ME2: variants seen among roughly 807,000 people sequenced by gnomAD.
ME2 encodes NAD-dependent malic enzyme, mitochondrial.
In ME2, 60 loss-of-function variants were observed where a neutral mutation model predicts 73.7. The observed-to-expected ratio is 0.81, with a 90% CI of 0.66 to 1.01. The LOEUF (loss-of-function observed/expected upper bound fraction) is 1.01, where lower values mean the gene tolerates loss of function less well. ME2 is among the 50% of genes least tolerant of loss of function. The pLI, the probability that ME2 is intolerant of heterozygous loss-of-function variation, is 0.00. For synonymous variants in ME2, 199 were observed against 236.9 expected (o/e 0.84, Z 1.47); for missense variants, 594 against 705.5 (o/e 0.84, Z 1.79).
chr18:50,912,589 C>G (rs967397431), intron 3 of ME2, among the ~76,000 whole-genome samples: 3 of 152,160 alleles, frequency 2.0e-5, no homozygotes, highest in Admixed American at 6.5e-5. Flanking sequence ...TCATCGTCAT[C>G]ATCATCTACT....
chr18:50,947,192 C>T lies in ME2; in HGVS notation c.*8C>T. On this transcript the variant is annotated 3_prime_UTR_variant, in exon 16 of 16. Coordinates refer to ENST00000321341, the MANE Select transcript of ME2 (RefSeq NM_002396.5). ...CCTGTGATAACAGAATAGAAGCACT[C>T]CCCTGATAAATACTTTCTGTGCTCC... The T allele has an allele frequency of 6.2e-7, 1 of 1,609,852 alleles. No individual in the cohort carries two copies. The highest frequency in any genetic ancestry group is 8.5e-7 in the Non-Finnish European group (1 of 1,178,696).
At chr18:50,906,504 G>A (rs1249420052) in intron 2 of ME2, among the ~76,000 whole-genome samples, 1 of 152,034 alleles carries the variant, frequency 6.6e-6, no homozygotes, top group Non-Finnish European at 1.5e-5. Context: ...GTAGAGACAG[G>A]GTTTCACCAT....
intron 1 of ME2, among the ~76,000 whole-genome samples, chr18:50,889,619 A>G (rs1416609894): frequency 6.6e-6 from 1 of 152,240 alleles, no homozygotes; most frequent in East Asian, 1.9e-4. Context: ...AGCGTTCCTA[A>G]TAATGATACA....
At chr18:50,929,485 C>A (rs74966456) in intron 12 of ME2, among the ~76,000 whole-genome samples, 256 of 122,788 alleles carry the variant, frequency 2.1e-3, no homozygotes, top group African/African-American at 2.3e-3. Context: ...AAGACTGTCT[C>A]AAAAAAAAAA....
chr18:50,886,246 A>ATTTT (rs34895453), intron 1 of ME2, among the ~76,000 whole-genome samples: 2 of 142,778 alleles, frequency 1.4e-5, no homozygotes, highest in Non-Finnish European at 1.5e-5. Flanking sequence ...GGTAAGTTAG[A>ATTTT]TTTTTTTTTT....
At position 50,908,205 on chromosome 18, in the gene ME2, T is replaced by C; in HGVS notation, c.242+9T>C. ...ACTAGCCCTTTGGAAAAGTAAGAGT[T>C]GCTTAGATGTTTCTTTTTTTATTGG... On this transcript the variant is annotated intron_variant, in intron 3 of 15. Coordinates refer to ENST00000321341, the MANE Select transcript of ME2 (RefSeq NM_002396.5). 1 of 1,564,282 alleles carries C rather than the reference T, an allele frequency of 6.4e-7. No individual in the cohort carries two copies. The highest frequency in any genetic ancestry group is 2.3e-5 in the East Asian group (1 of 43,730).
At chr18:50,895,269 C>A (rs1447909876) in intron 1 of ME2, among the ~76,000 whole-genome samples, 5 of 152,062 alleles carry the variant, frequency 3.3e-5, no homozygotes, top group African/African-American at 7.2e-5. Flanking sequence ...TATATGTTTT[C>A]TAGCCAATTT....
chr18:50,890,177 G>A (rs1916571133), intron 1 of ME2, among the ~76,000 whole-genome samples: 1 of 152,030 alleles, frequency 6.6e-6, no homozygotes, highest in Admixed American at 6.6e-5. Context: ...CTATTTTGCA[G>A]CTTACTCAAA....
chr18:50,897,423 T>A (rs1916771369), intron 2 of ME2, among the ~76,000 whole-genome samples: 1 of 152,160 alleles, frequency 6.6e-6, no homozygotes, highest in African/African-American at 2.4e-5. Context: ...ATTACCATAC[T>A]TCCCTAAAGA....
chr18:50,945,841 C>T (rs970191411), intron 15 of ME2, among the ~76,000 whole-genome samples: 39 of 152,096 alleles, frequency 2.6e-4, no homozygotes, highest in Middle Eastern at 3.4e-3. Context: ...CTGAGGCAGG[C>T]GGATCACCTG....
At chr18:50,891,805 G>A (rs954740727) in intron 1 of ME2, among the ~76,000 whole-genome samples, 1 of 151,702 alleles carries the variant, frequency 6.6e-6, no homozygotes, top group Admixed American at 6.6e-5. Context: ...ACCTGGAATT[G>A]GACTTATAAT....
chr18:50,908,086 A>G lies in ME2; in HGVS notation c.132A>G (p.Glu44=). The G allele has an allele frequency of 6.3e-7, 1 of 1,585,788 alleles. No individual in the cohort carries two copies. Among genetic ancestry groups the G allele is most frequent in the Non-Finnish European group, 8.6e-7 (1 of 1,167,004 alleles). ...AGGGAATGGCATTTACTTTACAAGA[A>G]CGACAAATGCTTGGTCTTCAAGGAC... ...TNKGMAFTLQ[E]RQMLGLQGLL... The change falls in exon 3 of 16, where the codon GAA becomes GAG. Residue 44 remains glutamate (E), a synonymous_variant. Coordinates refer to ENST00000321341, the MANE Select transcript of ME2 (RefSeq NM_002396.5).
chr18:50,938,460 C>T (rs1360028557), intron 13 of ME2, among the ~76,000 whole-genome samples: 1 of 152,178 alleles, frequency 6.6e-6, no homozygotes, highest in Non-Finnish European at 1.5e-5. Flanking sequence ...TAATACCTCA[C>T]AGTTCTGAAG....
At chr18:50,924,331 A>G (rs891723459) in intron 11 of ME2, 119 bp downstream of exon 11, 52 of 650,562 alleles carry the variant, frequency 8.0e-5, no homozygotes, top group African/African-American at 5.0e-4. Flanking sequence ...AGCATGTACA[A>G]TGTTTTCTGT....
intron 15 of ME2, chr18:50,945,290 G>C (rs1178179804): frequency 6.6e-6 from 1 of 151,930 alleles, no homozygotes; most frequent in African/African-American, 2.4e-5. Flanking sequence ...ACTAATTTTT[G>C]TATTTTTAGT....
chr18:50,900,561 C>T (rs929562729), intron 2 of ME2, among the ~76,000 whole-genome samples: 8 of 152,012 alleles, frequency 5.3e-5, no homozygotes, highest in Non-Finnish European at 8.8e-5. Context: ...GGATTACAGG[C>T]GTGAGCCACT....
In ME2 at chr18:50,950,877, T is replaced by A. The variant is rs1002526106; in HGVS notation, c.*3693T>A. ...GCTGAGAGGCATTGCTCCAGGATACTGCATGTAGTGAGCAGTTCTTTAGCG... is the reference window on the plus strand; with the variant it reads ...GCTGAGAGGCATTGCTCCAGGATACAGCATGTAGTGAGCAGTTCTTTAGCG... On this transcript the variant is annotated 3_prime_UTR_variant, in exon 16 of 16. Transcript: ENST00000321341. 2 of 152,222 alleles carry A rather than the reference T, an allele frequency of 1.3e-5. No homozygotes were observed. The highest frequency in any genetic ancestry group is 1.5e-5 in the Non-Finnish European group (1 of 68,044). 9.4% of individuals were successfully genotyped at this position (152,222 alleles called of 1,614,324 possible). A position where few individuals can be genotyped will look rare whatever the true frequency, so the allele number is the denominator to read the frequency against.
chr18:50,935,966 G>A (rs1222239520), intron 13 of ME2, among the ~76,000 whole-genome samples: 3 of 151,842 alleles, frequency 2.0e-5, no homozygotes, highest in Admixed American at 6.6e-5. Flanking sequence ...AACATGTGCC[G>A]GCCTCATGGC....
rs191447352 is a variant in ME2 at position 50,953,984 on chromosome 18, A to C, written c.*6800A>C. 5.3e-5 allele frequency: 8 copies of C among 152,322 alleles called. No homozygotes were observed. Among genetic ancestry groups the C allele is most frequent in the Admixed American group, 5.2e-4 (8 of 15,282 alleles). 9.4% of individuals were successfully genotyped at this position (152,322 alleles called of 1,614,324 possible). On this transcript the variant is annotated 3_prime_UTR_variant, in exon 16 of 16. Transcript: ENST00000321341. ...CAAGCACTAATTATTGACTTCAAGGAAGCCACGTATTGCAAGTCATTGCTT... is the reference window on the plus strand; with the variant it reads ...CAAGCACTAATTATTGACTTCAAGGCAGCCACGTATTGCAAGTCATTGCTT...
Sources: gnomAD v4.1 joint callset for allele counts (sites outside exome capture counted in the v4.1 genomes callset) on GRCh38, gnomAD v4.1.1 for gene constraint, MANE v1.5 for transcripts, NCBI Gene and HGNC (gene_info 2026-07-23, HGNC 2026-07-21) for gene names.